Variants in PDE6D observed in about 807,000 individuals in gnomAD.
The protein encoded by PDE6D is retinal rod rhodopsin-sensitive cGMP 3',5'-cyclic phosphodiesterase subunit delta.
Under a neutral mutation model 21.9 loss-of-function variants are expected in PDE6D, and 10 were observed. The ratio of observed to expected loss-of-function variants is 0.46; its 90% CI spans 0.28 to 0.78. The LOEUF is 0.78. Among genes scored for constraint, PDE6D ranks in the 30% least tolerant of loss-of-function variants. The pLI is 0.12. For missense variants in PDE6D, 139 were observed against 184.8 expected (o/e 0.75, Z 1.44); for synonymous variants, 59 against 63.5 (o/e 0.93, Z 0.34).
rs149519918 is a variant in PDE6D at position 231,757,864 on chromosome 2, G to T, written c.51-18676C>A. On this transcript the variant is annotated intron_variant, in intron 1 of 4. Coordinates refer to ENST00000287600, the MANE Select transcript of PDE6D (RefSeq NM_002601.4). ...CTTTACCAAAGGAATGGCTGTTACA[G>T]AAAGTTTGGAAAATAGAGGACAGTG... Among the ~76,000 whole-genome samples, 228 of 151,946 alleles carry T rather than the reference G, an allele frequency of 1.5e-3. 3 individuals carry two copies. The highest frequency in any genetic ancestry group is 5.2e-3 in the African/African-American group (215 of 41,418).
intron 1 of PDE6D, among the ~76,000 whole-genome samples, chr2:231,767,752 G>C (rs750997730): frequency 6.6e-6 from 1 of 151,808 alleles, no homozygotes; most frequent in Non-Finnish European, 1.5e-5. Context: ...CAGATTTCTT[G>C]AAAGAGTAAT....
Position 231,771,223 on chromosome 2 carries a change from C to G in PDE6D, c.50+9842G>C, listed in dbSNP as rs1057300516. On this transcript the variant is annotated intron_variant, in intron 1 of 4. Transcript: ENST00000287600. ...ACCTCAAGTGATCTGCCCACTTAGGCCTCCCAAAGTGCTGGGATTACAGGC... is the reference window on the plus strand; with the variant it reads ...ACCTCAAGTGATCTGCCCACTTAGGGCTCCCAAAGTGCTGGGATTACAGGC... Among the ~76,000 whole-genome samples, 3 of 152,054 alleles carry G rather than the reference C, an allele frequency of 2.0e-5. No homozygotes were observed. The East Asian group carries it at 5.8e-4, about 29-fold the overall frequency.
At chr2:231,774,593 C>CA (rs2049039917) in intron 1 of PDE6D, among the ~76,000 whole-genome samples, 2 of 147,788 alleles carry the variant, frequency 1.4e-5, no homozygotes, top group Non-Finnish European at 3.0e-5. Context: ...TGAATATTAT[C>CA]TTTTTTTTTT....
intron 1 of PDE6D, among the ~76,000 whole-genome samples, chr2:231,779,812 T>C (rs967676498): frequency 2.6e-5 from 4 of 152,224 alleles, no homozygotes; most frequent in Non-Finnish European, 2.9e-5. Context: ...CATCCAAAAC[T>C]TCCTTTTTGC....
intron 1 of PDE6D, among the ~76,000 whole-genome samples, chr2:231,750,656 T>A (rs1197344473): frequency 7.4e-6 from 1 of 134,370 alleles, no homozygotes; most frequent in African/African-American, 2.9e-5. Flanking sequence ...ACCATGCTCA[T>A]CTAATTTTTT....
At chr2:231,743,565 C>T (rs183315100) in intron 1 of PDE6D, among the ~76,000 whole-genome samples, 161 of 152,066 alleles carry the variant, frequency 1.1e-3, no homozygotes, top group African/African-American at 3.6e-3. Context: ...AATGTACTGT[C>T]GCTTTCAGAT....
intron 1 of PDE6D, among the ~76,000 whole-genome samples, chr2:231,744,853 A>G (rs1166409376): frequency 6.6e-6 from 1 of 152,194 alleles, no homozygotes; most frequent in East Asian, 1.9e-4. Context: ...AAAATTATCT[A>G]CCAGTATCTA....
chr2:231,759,711 G>A (rs1310960044), intron 1 of PDE6D, among the ~76,000 whole-genome samples: 3 of 152,138 alleles, frequency 2.0e-5, no homozygotes, highest in Admixed American at 1.3e-4. Flanking sequence ...GGGACATGAA[G>A]AGACCCCAGG....
At chr2:231,747,006 A>T (rs1203874955) in intron 1 of PDE6D, among the ~76,000 whole-genome samples, 1 of 152,222 alleles carries the variant, frequency 6.6e-6, no homozygotes, top group Non-Finnish European at 1.5e-5. Context: ...AACAGGAGGA[A>T]GACTAAGTAT....
At chr2:231,751,321 AATTTTTTAAAAAC>A (rs2048838577) in intron 1 of PDE6D, among the ~76,000 whole-genome samples, 2 of 151,994 alleles carry the variant, frequency 1.3e-5, no homozygotes, top group Non-Finnish European at 2.9e-5. Flanking sequence ...TCGTGTGGCT[AATTTTTTAAAAAC>A]ATTTTTTATA....
chr2:231,753,284 G>A lies in PDE6D; in HGVS notation c.51-14096C>T, dbSNP rs1032852834. Among the ~76,000 whole-genome samples, 10 of 151,462 alleles carry A rather than the reference G, an allele frequency of 6.6e-5. 1 individual carries two copies. The South Asian group carries it at 1.7e-3, about 25-fold the overall frequency. ...CACGCCTGTAATCCCGGCACTTTGG[G>A]AGGTCGAAGTGGGCGGATCACGAGG... On this transcript the variant is annotated intron_variant, in intron 1 of 4. Coordinates refer to ENST00000287600, the MANE Select transcript of PDE6D (RefSeq NM_002601.4).
intron 1 of PDE6D, among the ~76,000 whole-genome samples, chr2:231,778,032 C>G (rs2049071104): frequency 6.6e-6 from 1 of 152,188 alleles, no homozygotes; most frequent in South Asian, 2.1e-4. Flanking sequence ...CTTTGGGAGG[C>G]AGAGGCAGGC....
At chr2:231,750,550 G>A (rs1048954961) in intron 1 of PDE6D, among the ~76,000 whole-genome samples, 3 of 149,754 alleles carry the variant, frequency 2.0e-5, no homozygotes, top group African/African-American at 7.4e-5. Context: ...TGTTGCCCAG[G>A]CTGGAGTGCG....
At chr2:231,764,787 A>G (rs191644270) in intron 1 of PDE6D, among the ~76,000 whole-genome samples, 1 of 152,222 alleles carries the variant, frequency 6.6e-6, no homozygotes, top group Non-Finnish European at 1.5e-5. Context: ...TGAATATATT[A>G]GTTTGCAAGT....
At chr2:231,776,321 C>CA (rs1008155828) in intron 1 of PDE6D, among the ~76,000 whole-genome samples, 13,652 of 53,456 alleles carry the variant, frequency 0.26, 1,526 homozygotes, top group Non-Finnish European at 0.32. Context: ...GACTCCGTCT[C>CA]AAAAAAAAAA....
At chr2:231,769,747 G>A (rs1331136134) in intron 1 of PDE6D, among the ~76,000 whole-genome samples, 6 of 152,156 alleles carry the variant, frequency 3.9e-5, no homozygotes, top group African/African-American at 1.4e-4. Context: ...CTGAATAGCT[G>A]AGACCACAGA....
chr2:231,751,482 A>T (rs931975101), intron 1 of PDE6D, among the ~76,000 whole-genome samples: 2 of 152,338 alleles, frequency 1.3e-5, no homozygotes, highest in South Asian at 4.1e-4. Context: ...GTTGCAAAAT[A>T]GTAGAGTTCT....
chr2:231,753,891 C>T (rs2048862486), intron 1 of PDE6D, among the ~76,000 whole-genome samples: 1 of 152,178 alleles, frequency 6.6e-6, no homozygotes, highest in South Asian at 2.1e-4. Flanking sequence ...TCTGGCTTCC[C>T]TTTCTGTTTT....
chr2:231,769,874 T>C (rs978331570), intron 1 of PDE6D, among the ~76,000 whole-genome samples: 3 of 152,172 alleles, frequency 2.0e-5, no homozygotes, highest in African/African-American at 7.2e-5. Flanking sequence ...ATAATAACAC[T>C]CTGTAACAGG....
Sources: gnomAD v4.1 joint callset for allele counts (sites outside exome capture counted in the v4.1 genomes callset) on GRCh38, gnomAD v4.1.1 for gene constraint, MANE v1.5 for transcripts, NCBI Gene and HGNC (gene_info 2026-07-23, HGNC 2026-07-21) for gene names.